Variants in TANK observed in about 807,000 individuals in gnomAD.
TANK encodes the protein TRAF family member-associated NF-kappa-B activator.
In TANK, 15 loss-of-function variants were observed where a neutral mutation model predicts 43.6. That is an observed-to-expected ratio of 0.34 (90% CI 0.23 to 0.53). The LOEUF is 0.53. TANK is among the 20% of genes least tolerant of loss of function. TANK has a pLI of 0.94. For synonymous variants in TANK, 162 were observed against 178.2 expected (o/e 0.91, Z 0.73); for missense variants, 417 against 498.6 (o/e 0.84, Z 1.56).
At chr2:161,213,875 A>G (rs1687008798) in intron 4 of TANK, among the ~76,000 whole-genome samples, 1 of 152,174 alleles carries the variant, frequency 6.6e-6, no homozygotes, top group East Asian at 1.9e-4. Flanking sequence ...AAGCGTATCA[A>G]TGAACTTTTC....
At chr2:161,196,421 G>C (rs1686151731) in intron 2 of TANK, among the ~76,000 whole-genome samples, 1 of 152,196 alleles carries the variant, frequency 6.6e-6, no homozygotes, top group African/African-American at 2.4e-5. Context: ...TATAGCAAGA[G>C]AGGGCCTCAG....
chr2:161,157,304 T>G (rs936399198), upstream of TANK, among the ~76,000 whole-genome samples: 5 of 152,174 alleles, frequency 3.3e-5, no homozygotes, highest in Admixed American at 1.3e-4. Context: ...TTATGGTACT[T>G]TTCTGTGAGT....
chr2:161,163,876 G>A (rs889122363), intron 1 of TANK, among the ~76,000 whole-genome samples: 1 of 152,204 alleles, frequency 6.6e-6, no homozygotes, highest in Non-Finnish European at 1.5e-5. Context: ...ATGGTTTACT[G>A]TTAATACCTC....
Position 161,231,547 on chromosome 2 carries a change from A to G in TANK, c.1097A>G (p.Gln366Arg). Reference protein sequence around the residue: ...DSPGKAIRGPQQPIWKPFPNQ... With the variant: ...DSPGKAIRGPRQPIWKPFPNQ... ...CCGGGAAAAGCAATCCGAGGACCAC[A>G]GCAGGTAACTGTTTTGCATTAACAA... The change falls in exon 7 of 8, where the codon CAG becomes CGG. Residue 366 changes from glutamine to arginine, a missense_variant. Coordinates refer to ENST00000392749, the MANE Select transcript of TANK (RefSeq NM_001199135.3). 6.2e-7 allele frequency: 1 copy of G among 1,611,200 alleles called. No individual in the cohort carries two copies. The highest frequency in any genetic ancestry group is 1.1e-5 in the South Asian group (1 of 91,076).
rs1687918698 is a variant in TANK, at chr2:161,231,686, AAAAC to A, written c.1101+138_1101+141del. 4 of 773,308 alleles carry A rather than the reference AAAAC, an allele frequency of 5.2e-6. No homozygotes were observed. The Admixed American group carries it at 1.1e-4, about 22-fold the overall frequency. 47.9% of individuals were successfully genotyped at this position (773,308 alleles called of 1,614,324 possible). A position where few individuals can be genotyped will look rare whatever the true frequency, so the allele number is the denominator to read the frequency against. On this transcript the variant is annotated intron_variant, in intron 7 of 7. Transcript: ENST00000392749. ...GACAGCCAAAGTTAAGGCTTTCAAAAAAACAAGTCCCATAATAAATGACATGAAA... is the reference window on the plus strand; with the variant it reads ...GACAGCCAAAGTTAAGGCTTTCAAAAAAGTCCCATAATAAATGACATGAAA...
intron 1 of TANK, among the ~76,000 whole-genome samples, chr2:161,172,642 C>T (rs1685002987): frequency 6.6e-6 from 1 of 152,116 alleles, no homozygotes; most frequent in Non-Finnish European, 1.5e-5. Flanking sequence ...CCACTTTCTA[C>T]TGGGTGTTTT....
At chr2:161,172,523 C>T (rs1684997347) in intron 1 of TANK, among the ~76,000 whole-genome samples, 1 of 152,000 alleles carries the variant, frequency 6.6e-6, no homozygotes, top group Non-Finnish European at 1.5e-5. Context: ...GTGATGCTTT[C>T]TTCCTCTTTA....
At chr2:161,140,685 C>G (rs1478435058) in intron 1 of TANK, among the ~76,000 whole-genome samples, 1 of 151,962 alleles carries the variant, frequency 6.6e-6, no homozygotes, top group East Asian at 1.9e-4. Flanking sequence ...ATATTTAAGG[C>G]TAGGAGTTTT....
intron 1 of TANK, among the ~76,000 whole-genome samples, chr2:161,142,085 T>G (rs1020713529): frequency 6.6e-6 from 1 of 152,192 alleles, no homozygotes; most frequent in Non-Finnish European, 1.5e-5. Flanking sequence ...ATCAATGATG[T>G]TGAGCTTTTT....
intron 1 of TANK, chr2:161,161,667 G>C: frequency 1.9e-6 from 1 of 517,114 alleles, no homozygotes; most frequent in Non-Finnish European, 3.2e-6. Flanking sequence ...TATGGTGAAA[G>C]TCTTGCCATA....
intron 2 of TANK, among the ~76,000 whole-genome samples, chr2:161,188,847 C>A (rs1358808428): frequency 6.6e-6 from 1 of 152,192 alleles, no homozygotes; most frequent in Non-Finnish European, 1.5e-5. Context: ...GATGATTAGG[C>A]CATGAGGTCT....
intron 4 of TANK, among the ~76,000 whole-genome samples, chr2:161,209,029 A>G (rs1686768097): frequency 6.6e-6 from 1 of 152,214 alleles, no homozygotes; most frequent in South Asian, 2.1e-4. Flanking sequence ...TACTTAATTT[A>G]CCTTATGACA....
At chr2:161,146,998 G>A (rs1683929136) in intron 1 of TANK, among the ~76,000 whole-genome samples, 1 of 152,160 alleles carries the variant, frequency 6.6e-6, no homozygotes, top group Admixed American at 6.5e-5. Context: ...GGGGATCAGA[G>A]TTCTGTCCCT....
At chr2:161,204,931 A>T in intron 4 of TANK, 138 bp downstream of exon 4, 1 of 1,445,118 alleles carries the variant, frequency 6.9e-7, no homozygotes, top group Non-Finnish European at 9.1e-7. Flanking sequence ...AAATATTTCT[A>T]AATAGAAGAA....
chr2:161,220,135 C>A (rs1050752546), intron 4 of TANK, among the ~76,000 whole-genome samples: 24 of 152,114 alleles, frequency 1.6e-4, no homozygotes, highest in African/African-American at 5.1e-4. Context: ...ATGCAAGGAT[C>A]GTAACTAAAG....
chr2:161,207,813 T>C (rs563862281), intron 4 of TANK: 4 of 985,372 alleles, frequency 4.1e-6, no homozygotes, highest in Non-Finnish European at 4.8e-6. Flanking sequence ...TCTGTTGCAG[T>C]TTTTTAAAAG....
chr2:161,190,389 T>C (rs1481123571), intron 2 of TANK, among the ~76,000 whole-genome samples: 1 of 152,178 alleles, frequency 6.6e-6, no homozygotes, highest in East Asian at 1.9e-4. Flanking sequence ...GAAAATGGTA[T>C]GGCAATTCTT....
At chr2:161,190,248 A>G (rs182562670) in intron 2 of TANK, among the ~76,000 whole-genome samples, 2 of 152,322 alleles carry the variant, frequency 1.3e-5, no homozygotes, top group Admixed American at 6.5e-5. Context: ...GTAAAACCAC[A>G]GTGAGATGCT....
intron 4 of TANK, chr2:161,212,063 C>CTTTTTT: frequency 3.1e-6 from 2 of 648,822 alleles, no homozygotes; most frequent in African/African-American, 2.1e-5. Context: ...AATACATAAA[C>CTTTTTT]TTTTTTTTTT....
Sources: allele counts gnomAD v4.1 joint callset (sites outside exome capture counted in the v4.1 genomes callset), GRCh38; gene constraint gnomAD v4.1.1; transcripts MANE v1.5; gene names NCBI Gene and HGNC (gene_info 2026-07-23, HGNC 2026-07-21).